Variants in SUGT1 observed in about 807,000 individuals in gnomAD.
SUGT1 encodes the protein protein SGT1 homolog.
SUGT1 carries 15 observed loss-of-function variants against 56.1 expected under a neutral mutation model. The observed-to-expected ratio is 0.27, with a 90% confidence interval of 0.18 to 0.41. The LOEUF (loss-of-function observed/expected upper bound fraction) is 0.41. Ranked by LOEUF, SUGT1 falls within the 10% of genes least tolerant of loss-of-function variation. The pLI, the probability that SUGT1 is intolerant of heterozygous loss-of-function variation, is 1.00. For synonymous variants in SUGT1, 123 were observed against 128.6 expected (o/e 0.96, Z 0.30); for missense variants, 347 against 382.2 (o/e 0.91, Z 0.77).
In SUGT1 at chr13:52,691,110, G is replaced by C. The variant is rs1963761732; in HGVS notation, c.*3275G>C. On this transcript the variant is annotated 3_prime_UTR_variant, in exon 13 of 13. Transcript: ENST00000310528. Reference sequence around the variant, plus strand: ...TGATTCTCCCATCTCAGCCTCCCAAGTAGCTGGGACCACAGGCATGCATCA... The same window carrying C: ...TGATTCTCCCATCTCAGCCTCCCAACTAGCTGGGACCACAGGCATGCATCA... The C allele has an allele frequency of 6.6e-6, 1 of 152,008 alleles. No individual in the cohort carries two copies. 9.4% of individuals were successfully genotyped at this position (152,008 alleles called of 1,614,324 possible).
chr13:52,667,898 G>A (rs1962781470), intron 10 of SUGT1, among the ~76,000 whole-genome samples: 1 of 152,014 alleles, frequency 6.6e-6, no homozygotes, highest in Admixed American at 6.6e-5. Context: ...CCTTTCAGCT[G>A]TAGAATTGTG....
In SUGT1 at chr13:52,693,560, A is replaced by G. The variant is rs1335139585; in HGVS notation, c.*5725A>G. On this transcript the variant is annotated 3_prime_UTR_variant, in exon 13 of 13. Coordinates refer to ENST00000310528, the MANE Select transcript of SUGT1 (RefSeq NM_006704.5). ...TACATTGCTTACTAGCTGTGTGACAATGGATATAGGTGCTTAATGTCTCTG... is the reference window on the plus strand; with the variant it reads ...TACATTGCTTACTAGCTGTGTGACAGTGGATATAGGTGCTTAATGTCTCTG... 6.6e-6 allele frequency: 1 copy of G among 152,176 alleles called. No individual in the cohort carries two copies. The highest frequency in any genetic ancestry group is 3.2e-3 in the Middle Eastern group (1 of 316). 9.4% of individuals were successfully genotyped at this position (152,176 alleles called of 1,614,324 possible).
At chr13:52,660,398 CTAAA>C in intron 5 of SUGT1, among the ~76,000 whole-genome samples, 1 of 152,080 alleles carries the variant, frequency 6.6e-6, no homozygotes, top group Non-Finnish European at 1.5e-5. Context: ...AGGGGTGCTA[CTAAA>C]TATTCTATAA....
At position 52,676,882 on chromosome 13, in the gene SUGT1, G is replaced by A. The variant is rs141595289; in HGVS notation, c.718+562G>A. On this transcript the variant is annotated intron_variant, in intron 11 of 12. Coordinates refer to ENST00000310528, the MANE Select transcript of SUGT1 (RefSeq NM_006704.5). The stretch of plus-strand genomic sequence containing the variant: ...CTTCATTGTATATATAACCCTGTAA[G>A]AAACAGAACTTTGTGTTGAGGTCAA... Among the ~76,000 whole-genome samples the A allele has an allele frequency of 1.4e-3, 207 of 152,278 alleles. 1 individual carries two copies. Among genetic ancestry groups the A allele is most frequent in the Middle Eastern group, 3.4e-3 (1 of 294 alleles).
intron 12 of SUGT1, chr13:52,687,442 C>T (rs1191858335): frequency 1.1e-5 from 2 of 184,534 alleles, no homozygotes; most frequent in African/African-American, 4.7e-5. Context: ...CATCTATGCT[C>T]ATTAGCAAAG....
chr13:52,659,242 A>C lies in SUGT1; in HGVS notation c.321A>C (p.Lys107Asn). The change falls in exon 5 of 13, where the codon AAA becomes AAC. Residue 107 changes from lysine to asparagine, a missense_variant. Coordinates refer to ENST00000310528, the MANE Select transcript of SUGT1 (RefSeq NM_006704.5). The part of the protein sequence containing the change: ...AALETFTEGQ[K>N]LDSADANFSV... ...TAGAAACTTTTACAGAAGGACAAAA[A>C]TTAGATAGTAAGTATTAAAAATTAT... 1 of 1,474,262 alleles carries C rather than the reference A, an allele frequency of 6.8e-7. No individual in the cohort carries two copies. The highest frequency in any genetic ancestry group is 9.0e-7 in the Non-Finnish European group (1 of 1,113,372). 91.3% of individuals were successfully genotyped at this position (1,474,262 alleles called of 1,614,324 possible).
intron 7 of SUGT1, 80 bp from the exon 8 acceptor site, chr13:52,663,955 T>G (rs1962571091): frequency 1.5e-6 from 2 of 1,290,412 alleles, no homozygotes; most frequent in East Asian, 4.7e-5. Context: ...TAATAATACA[T>G]GCATTTTAAT....
At position 52,697,101 on chromosome 13, in the gene SUGT1, C is replaced by CA. The variant is rs1333748193; in HGVS notation, c.*9268dup. ...CACTGCAGCCTCCGTCTTCTGGGCTCAAGCAATCCTCCTTCCTCAGCCTCC... is the reference window on the plus strand; with the variant it reads ...CACTGCAGCCTCCGTCTTCTGGGCTCAAAGCAATCCTCCTTCCTCAGCCTCC... On this transcript the variant is annotated 3_prime_UTR_variant, in exon 13 of 13. Transcript: ENST00000310528. The CA allele has an allele frequency of 6.6e-6, 1 of 152,092 alleles. No homozygotes were observed. The allele number at this position is 152,092 out of a possible 1,614,324, so 9.4% of individuals were successfully genotyped here.
At chr13:52,661,770 C>G (rs1038222921) in intron 5 of SUGT1, among the ~76,000 whole-genome samples, 5 of 152,056 alleles carry the variant, frequency 3.3e-5, no homozygotes, top group African/African-American at 1.2e-4. Flanking sequence ...CAATAGTTCT[C>G]TAGAATACAG....
At chr13:52,653,296 T>A (rs546814102) in intron 2 of SUGT1, among the ~76,000 whole-genome samples, 193 bp downstream of exon 2, 1 of 152,150 alleles carries the variant, frequency 6.6e-6, no homozygotes, top group Non-Finnish European at 1.5e-5. Flanking sequence ...CCCAGACTCC[T>A]GTCTTGCCCT....
chr13:52,680,681 A>G (rs1963336179), intron 12 of SUGT1, among the ~76,000 whole-genome samples: 1 of 152,178 alleles, frequency 6.6e-6, no homozygotes, highest in Non-Finnish European at 1.5e-5. Flanking sequence ...TAATCATGTG[A>G]CTTTTATTAA....
chr13:52,686,799 G>A (rs971147625), intron 12 of SUGT1, among the ~76,000 whole-genome samples: 11 of 151,988 alleles, frequency 7.2e-5, no homozygotes, highest in African/African-American at 1.7e-4. Flanking sequence ...GGCTGGGTGC[G>A]GTGGCTCATG....
In SUGT1 at chr13:52,680,026, A is replaced by C. The variant is rs755832679; in HGVS notation, c.771A>C (p.Lys257Asn). ...SSSPYTRNWD[K>N]LVGEIKEEEK... The stretch of plus-strand genomic sequence containing the variant: ...CTCCTTATACAAGAAATTGGGATAA[A>C]TTGGTTGGTGAGATCAAAGAAGAAG... The change falls in exon 12 of 13, where the codon AAA becomes AAC. Residue 257 changes from lysine (K) to asparagine (N), a missense_variant. By Grantham distance (94) the Lys-to-Asn change is moderately conservative (BLOSUM62 0). Transcript: ENST00000310528. The C allele has an allele frequency of 6.2e-7, 1 of 1,603,090 alleles. No homozygotes were observed. Among genetic ancestry groups the C allele is most frequent in the African/African-American group, 1.4e-5 (1 of 73,998 alleles).
At chr13:52,658,673 A>G (rs981343238) in intron 4 of SUGT1, among the ~76,000 whole-genome samples, 2 of 151,676 alleles carry the variant, frequency 1.3e-5, no homozygotes, top group Non-Finnish European at 2.9e-5. Context: ...GTACTTAGTA[A>G]ATTTTAAAAT....
chr13:52,653,332 A>G (rs1962004988), intron 2 of SUGT1, among the ~76,000 whole-genome samples: 2 of 152,098 alleles, frequency 1.3e-5, no homozygotes, highest in African/African-American at 4.8e-5. Context: ...CTCCTGAGAA[A>G]AACCTCCTCT....
At chr13:52,655,000 G>A (rs959285378) in intron 2 of SUGT1, among the ~76,000 whole-genome samples, 4 of 152,188 alleles carry the variant, frequency 2.6e-5, no homozygotes, top group Admixed American at 1.3e-4. Flanking sequence ...TTAGTACCTT[G>A]GTTTTTAATG....
intron 5 of SUGT1, among the ~76,000 whole-genome samples, 172 bp from the exon 6 acceptor site, chr13:52,662,477 A>G (rs1433879494): frequency 6.6e-6 from 1 of 152,224 alleles, no homozygotes; most frequent in Non-Finnish European, 1.5e-5. Flanking sequence ...AACTATTGGT[A>G]TATTTATAAC....
At chr13:52,667,010 G>A in intron 10 of SUGT1, 91 bp downstream of exon 10, 1 of 845,178 alleles carries the variant, frequency 1.2e-6, no homozygotes, top group South Asian at 1.7e-5. Context: ...TAAGCTTGTA[G>A]ATTCTTTCAG....
intron 5 of SUGT1, 104 bp from the exon 6 acceptor site, chr13:52,662,545 C>CTGTGA: frequency 8.9e-7 from 1 of 1,121,322 alleles, no homozygotes; most frequent in Admixed American, 2.0e-5. Context: ...GCCGACTCCC[C>CTGTGA]AGTGCCTAGA....
Sources: gnomAD v4.1 joint callset for allele counts (sites outside exome capture counted in the v4.1 genomes callset) on GRCh38, gnomAD v4.1.1 for gene constraint, MANE v1.5 for transcripts, NCBI Gene and HGNC (gene_info 2026-07-23, HGNC 2026-07-21) for gene names.